ACVR1: variants seen among roughly 807,000 people sequenced by gnomAD.
The protein encoded by ACVR1 is activin A receptor type 1.
In ACVR1, 38 loss-of-function variants were observed where a neutral mutation model predicts 57.1. The ratio of observed to expected loss-of-function variants is 0.67; its 90% CI spans 0.51 to 0.87. ACVR1 has a LOEUF of 0.87. ACVR1 is among the 40% of genes least tolerant of loss of function. The pLI is 0.00. For missense variants in ACVR1, 463 were observed against 638.2 expected (o/e 0.73, Z 2.96); for synonymous variants, 212 against 228.1 (o/e 0.93, Z 0.63).
chr2:157,767,323 C>T (rs1015053768), intron 7 of ACVR1, among the ~76,000 whole-genome samples: 2 of 152,126 alleles, frequency 1.3e-5, no homozygotes, highest in Non-Finnish European at 1.5e-5. Flanking sequence ...CGTGAGACAT[C>T]GCGATCAGCC....
intron 2 of ACVR1, among the ~76,000 whole-genome samples, chr2:157,801,630 G>A (rs1017529558): frequency 1.3e-5 from 2 of 152,160 alleles, no homozygotes; most frequent in Non-Finnish European, 1.5e-5. Context: ...TGAGTGGCTT[G>A]AGACTTTCAT....
At chr2:157,859,024 ATGTGAT>A in intron 1 of ACVR1, among the ~76,000 whole-genome samples, 1 of 152,288 alleles carries the variant, frequency 6.6e-6, no homozygotes, top group South Asian at 2.1e-4. Context: ...CTGTTCTGTT[ATGTGAT>A]TGTCAGAGGC....
chr2:157,774,424 G>A (rs1371399798), intron 5 of ACVR1, among the ~76,000 whole-genome samples: 1 of 152,144 alleles, frequency 6.6e-6, no homozygotes, highest in East Asian at 1.9e-4. Flanking sequence ...CAGTTCAATG[G>A]CGCAATCTGG....
intron 9 of ACVR1, among the ~76,000 whole-genome samples, chr2:157,741,719 A>G (rs1171011224): frequency 6.6e-6 from 1 of 152,010 alleles, no homozygotes; most frequent in East Asian, 1.9e-4. Context: ...AAAAAATTAC[A>G]GACTAGCTTT....
intron 2 of ACVR1, among the ~76,000 whole-genome samples, chr2:157,807,759 T>G (rs1231744867): frequency 4.7e-5 from 7 of 150,418 alleles, no homozygotes; most frequent in Non-Finnish European, 1.0e-4. Flanking sequence ...AGTGCAGACC[T>G]TTCTTTCCCT....
chr2:157,873,575 T>A (rs184832231), intron 1 of ACVR1, among the ~76,000 whole-genome samples: 3 of 152,216 alleles, frequency 2.0e-5, no homozygotes, highest in Non-Finnish European at 4.4e-5. Flanking sequence ...AGCCCCAGCA[T>A]TGATTCCATC....
At chr2:157,851,021 C>T (rs1357109132) in intron 1 of ACVR1, among the ~76,000 whole-genome samples, 2 of 151,994 alleles carry the variant, frequency 1.3e-5, no homozygotes, top group African/African-American at 4.8e-5. Flanking sequence ...CTTAACTTAA[C>T]AGATCTATCT....
chr2:157,754,664 G>A (rs1685348301), intron 9 of ACVR1, among the ~76,000 whole-genome samples: 1 of 151,960 alleles, frequency 6.6e-6, no homozygotes, highest in Admixed American at 6.6e-5. Context: ...ATTCACAGCC[G>A]AATTCTATCA....
At chr2:157,760,275 C>T (rs1033136873) in intron 9 of ACVR1, among the ~76,000 whole-genome samples, 11 of 151,956 alleles carry the variant, frequency 7.2e-5, no homozygotes, top group African/African-American at 2.4e-4. Flanking sequence ...ATCATAGTTA[C>T]CAGAAGCTGA....
At chr2:157,747,169 A>C (rs773229471) in intron 9 of ACVR1, among the ~76,000 whole-genome samples, 9 of 152,192 alleles carry the variant, frequency 5.9e-5, no homozygotes, top group Non-Finnish European at 1.3e-4. Flanking sequence ...TAATTTCAAA[A>C]ATATATATTC....
At chr2:157,854,286 C>T (rs1167013310) in intron 1 of ACVR1, among the ~76,000 whole-genome samples, 2 of 151,118 alleles carry the variant, frequency 1.3e-5, no homozygotes, top group Non-Finnish European at 2.9e-5. Context: ...AGTTATCTCT[C>T]TTGATTTGCA....
intron 2 of ACVR1, among the ~76,000 whole-genome samples, chr2:157,810,113 A>T (rs1302190761): frequency 6.6e-6 from 1 of 152,214 alleles, no homozygotes; most frequent in Non-Finnish European, 1.5e-5. Context: ...AATAAAACAA[A>T]GACCCCAAGG....
In ACVR1 at chr2:157,813,838, A is replaced by G. The variant is rs534549186; in HGVS notation, c.-8+4547T>C. Among the ~76,000 whole-genome samples the G allele has an allele frequency of 3.3e-5, 5 of 152,356 alleles. No homozygotes were observed. The South Asian group carries it at 1.0e-3, about 32-fold the overall frequency. ...ACCCTAATTAATACAGCATCTAGAG[A>G]AAAATTCATTTGAATTCATACCTAA... is the stretch of plus-strand genomic sequence containing the variant. On this transcript the variant is annotated intron_variant, in intron 2 of 10. Transcript: ENST00000434821.
intron 2 of ACVR1, among the ~76,000 whole-genome samples, chr2:157,812,045 T>C (rs551945296): frequency 6.6e-6 from 1 of 152,352 alleles, no homozygotes; most frequent in East Asian, 1.9e-4. Flanking sequence ...CCTTATAAAC[T>C]GAATTTGAAT....
At chr2:157,739,509 CT>C (rs1684668964) in intron 9 of ACVR1, among the ~76,000 whole-genome samples, 1 of 152,154 alleles carries the variant, frequency 6.6e-6, no homozygotes, top group Non-Finnish European at 1.5e-5. Context: ...CTATTATTTC[CT>C]TTCCCTCAAC....
rs146941347 is a variant in ACVR1, at chr2:157,830,235, A to G, written c.-182-11676T>C. 9.8e-5 allele frequency among the ~76,000 whole-genome samples: 15 copies of G among 152,320 alleles called. No individual in the cohort carries two copies. In the East Asian group the frequency reaches 1.9e-3, roughly 20 times the overall value. On this transcript the variant is annotated intron_variant, in intron 1 of 10. Transcript: ENST00000434821. The stretch of plus-strand genomic sequence containing the variant: ...CTCCGTCTCAAAATAAAATTAAATA[A>G]AAGGCCCTTCATAAATGTTGATAAT...
intron 8 of ACVR1, among the ~76,000 whole-genome samples, chr2:157,762,494 T>C (rs1004117698): frequency 6.6e-6 from 1 of 152,176 alleles, no homozygotes; most frequent in African/African-American, 2.4e-5. Context: ...CCTCCACCAT[T>C]TGCAGAACCA....
chr2:157,789,165 C>CA (rs1491358481), intron 3 of ACVR1, among the ~76,000 whole-genome samples: 2 of 152,074 alleles, frequency 1.3e-5, no homozygotes. Context: ...TGAGCTTGTC[C>CA]TTTTTTACCC....
intron 2 of ACVR1, among the ~76,000 whole-genome samples, chr2:157,803,064 CA>C (rs1452803630): frequency 6.6e-6 from 1 of 151,746 alleles, no homozygotes; most frequent in Non-Finnish European, 1.5e-5. Context: ...GAATTTAGCT[CA>C]AGTAATAGTA....
Sources: gnomAD v4.1 joint callset for allele counts (sites outside exome capture counted in the v4.1 genomes callset) on GRCh38, gnomAD v4.1.1 for gene constraint, MANE v1.5 for transcripts, NCBI Gene and HGNC (gene_info 2026-07-23, HGNC 2026-07-21) for gene names.